The following SF3A1 variants were observed in gnomAD, a reference collection of about 807,000 sequenced individuals.
SF3A1 encodes SAP 114.
Under a neutral mutation model 89.9 loss-of-function variants are expected in SF3A1, and 13 were observed. The ratio of observed to expected loss-of-function variants is 0.14; its 90% CI spans 0.09 to 0.23. The LOEUF (loss-of-function observed/expected upper bound fraction) is 0.23. Among genes scored for constraint, SF3A1 ranks in the 10% least tolerant of loss-of-function variants. SF3A1 has a pLI of 1.00. For missense variants in SF3A1, 604 were observed against 1,022.1 expected, an observed-to-expected ratio of 0.59 and a Z score of 5.58; for synonymous variants, 405 against 374.4, an observed-to-expected ratio of 1.08 and a Z score of -0.94.
intron 3 of SF3A1, among the ~76,000 whole-genome samples, chr22:30,345,603 T>C (rs1931394926): frequency 6.6e-6 from 1 of 152,100 alleles, no homozygotes; most frequent in African/African-American, 2.4e-5. Context: ...AACGATGAGG[T>C]AGCACAGGTA....
intron 15 of SF3A1, among the ~76,000 whole-genome samples, chr22:30,335,005 C>T (rs554068830): frequency 6.6e-6 from 1 of 152,236 alleles, no homozygotes; most frequent in Non-Finnish European, 1.5e-5. Context: ...CTTAGCCCAA[C>T]AGCCTCAATG....
chr22:30,344,404 C>T (rs1189863415), intron 4 of SF3A1, among the ~76,000 whole-genome samples: 2 of 152,198 alleles, frequency 1.3e-5, no homozygotes, highest in Admixed American at 6.5e-5. Context: ...ATTTAAGGCA[C>T]TTTATAAGCT....
Position 30,337,716 on chromosome 22 carries a change from CG to C in SF3A1, c.1924del (p.Arg642AlafsTer5). 8 of 1,323,326 alleles carry C rather than the reference CG, an allele frequency of 6.0e-6. No homozygotes were observed. The highest frequency in any genetic ancestry group is 1.5e-5 in the South Asian group (1 of 65,752). The allele number at this position is 1,323,326 out of a possible 1,614,324, so 82.0% of individuals were successfully genotyped here. On this transcript the variant is annotated frameshift_variant, in exon 12 of 16. Coordinates refer to ENST00000215793, the MANE Select transcript of SF3A1 (RefSeq NM_005877.6). LOFTEE classifies it high-confidence loss of function. ...TGTTGGCACAATCATGGGGGGTGGG[CG>C]GGGGGCCATAATAGGAGGGGCCGAG... ...PPSAPPIMAPRPPPMIVPTAF... is the reference protein window; with the variant it reads ...PPSAPPIMAPXPPPMIVPTAF...
At position 30,337,892 on chromosome 22, in the gene SF3A1, T is replaced by C. The variant is rs774236565; in HGVS notation, c.1749A>G (p.Pro583=). The change falls in exon 12 of 16, where the codon CCA becomes CCG. Residue 583 remains proline, a synonymous_variant. Transcript: ENST00000215793. The part of the protein sequence containing the change: ...ITSVPRPPTM[P]PPVRTTVVSA... ...AGACAACTGTAGTACGAACTGGAGG[T>C]GGCATCTGTGCAGGAAAGAGACCCA... 1 of 1,601,380 alleles carries C rather than the reference T, an allele frequency of 6.2e-7. No individual in the cohort carries two copies. Among genetic ancestry groups the C allele is most frequent in the Non-Finnish European group, 8.5e-7 (1 of 1,175,122 alleles).
intron 9 of SF3A1, among the ~76,000 whole-genome samples, chr22:30,339,647 T>C (rs759606216): frequency 6.6e-6 from 1 of 152,084 alleles, no homozygotes; most frequent in African/African-American, 2.4e-5. Context: ...TCCCAGCTAC[T>C]TGGGAGGCTG....
intron 7 of SF3A1, among the ~76,000 whole-genome samples, chr22:30,341,135 G>A (rs1367353161): frequency 6.6e-6 from 1 of 152,168 alleles, no homozygotes; most frequent in Admixed American, 6.5e-5. Context: ...GCGGCGAGTC[G>A]CCAATCAATG....
In SF3A1 at chr22:30,337,694, T is replaced by C; in HGVS notation, c.1947A>G (p.Pro649=). The change falls in exon 12 of 16, where the codon CCA becomes CCG. Residue 649 remains proline (P), a synonymous_variant. Coordinates refer to ENST00000215793, the MANE Select transcript of SF3A1 (RefSeq NM_005877.6). ...AATGATGCAAGAGATACTGACCTGT[T>C]GGCACAATCATGGGGGGTGGGCGGG... The part of the protein sequence containing the change: ...MAPRPPPMIV[P]TAFVPAPPVA... 1.4e-6 allele frequency: 1 copy of C among 717,930 alleles called. No homozygotes were observed. Among genetic ancestry groups the C allele is most frequent in the South Asian group, 1.5e-5 (1 of 68,380 alleles). The allele number at this position is 717,930 out of a possible 1,614,324, so 44.5% of individuals were successfully genotyped here.
Position 30,346,393 on chromosome 22 carries a change from C to T in SF3A1, c.312G>A (p.Gly104=), listed in dbSNP as rs1931421048. 6.2e-7 allele frequency: 1 copy of T among 1,614,100 alleles called. No homozygotes were observed. The change falls in exon 3 of 16, where the codon GGG becomes GGA. Residue 104 remains glycine, a synonymous_variant. Coordinates refer to ENST00000215793, the MANE Select transcript of SF3A1 (RefSeq NM_005877.6). ...YRHKVSEFKE[G]KAQEPSAAIP... is the part of the protein sequence containing the mutation. ...TGGCGGCGGACGGCTCCTGAGCCTT[C>T]CCTTCCTTGAACTCGCTGACCTTGT...
intron 12 of SF3A1, 39 bp downstream of exon 12, chr22:30,337,651 T>C (rs1931112446): frequency 1.0e-6 from 1 of 987,294 alleles, no homozygotes; most frequent in Non-Finnish European, 1.5e-6. Context: ...CCGTGGTCCC[T>C]GAACTAATGG....
chr22:30,342,389 A>C, intron 5 of SF3A1, 39 bp from the exon 6 acceptor site: 2 of 1,561,386 alleles, frequency 1.3e-6, no homozygotes, highest in East Asian at 4.7e-5. Flanking sequence ...ACGCTGAAGC[A>C]GGGTCTGCTC....
chr22:30,356,609 A>G (rs1338953072), intron 1 of SF3A1, 121 bp downstream of exon 1: 12 of 721,756 alleles, frequency 1.7e-5, no homozygotes, highest in Non-Finnish European at 2.4e-5. Context: ...GGAAGCGCGC[A>G]GCCTCTTGGG....
At position 30,338,837 on chromosome 22, in the gene SF3A1, G is replaced by A. The variant is rs988552549; in HGVS notation, c.1695C>T (p.Asn565=). 6 of 1,614,098 alleles carry A rather than the reference G, an allele frequency of 3.7e-6. No homozygotes were observed. In the African/African-American group the frequency reaches 4.0e-5, roughly 11 times the overall value. ...TGATGGGTGGAGCCGAGCTGGGGAT[G>A]TTGGTGGCTGAAGATGGTGGCGGTG... ...QQPPPPSSAT[N]IPSSAPPITS... The change falls in exon 11 of 16, where the codon AAC becomes AAT. Residue 565 remains asparagine, a synonymous_variant. Transcript: ENST00000215793.
Position 30,337,180 on chromosome 22 carries a change from G to T in SF3A1, c.1952C>A (p.Ala651Asp), listed in dbSNP as rs1931094643. ...TGCCACAGGTGGAGCAGGCACAAAG[G>T]CTGCAAAGACAAGAATAAGCAGCCC... is the stretch of plus-strand genomic sequence containing the variant. Reference protein sequence around the residue: ...PRPPPMIVPTAFVPAPPVAPV... With the variant: ...PRPPPMIVPTDFVPAPPVAPV... Residue 651 changes from alanine (A) to aspartate (D), a missense_variant and splice_region_variant, in exon 13 of 16, where the codon GCC becomes GAC. This residue lies in a region of SF3A1 where 45 missense variants were observed against 41.1 expected (regional missense o/e 1.09). Coordinates refer to ENST00000215793, the MANE Select transcript of SF3A1 (RefSeq NM_005877.6). The T allele has an allele frequency of 6.2e-7, 1 of 1,607,686 alleles. No homozygotes were observed. Among genetic ancestry groups the T allele is most frequent in the Non-Finnish European group, 8.5e-7 (1 of 1,176,924 alleles).
intron 5 of SF3A1, 24 bp from the exon 6 acceptor site, chr22:30,342,374 G>A: frequency 6.3e-7 from 1 of 1,576,990 alleles, no homozygotes; most frequent in Non-Finnish European, 8.6e-7. Flanking sequence ...AAACAGCTTG[G>A]TGCTACGCTG....
intron 13 of SF3A1, 84 bp downstream of exon 13, chr22:30,336,942 A>G (rs1931084464): frequency 3.3e-6 from 5 of 1,536,632 alleles, no homozygotes; most frequent in Non-Finnish European, 4.5e-6. Context: ...TGGGAGTGAA[A>G]TAGGGTCAGT....
At position 30,336,972 on chromosome 22, in the gene SF3A1, G is replaced by C. The variant is rs62227699; in HGVS notation, c.2106+54C>G. ...GTCAGTTTCGCAAGTGTACGACAGG[G>C]GCGGGACTGAACCCTCCAGCTAGAA... On this transcript the variant is annotated intron_variant, in intron 13 of 15. Coordinates refer to ENST00000215793, the MANE Select transcript of SF3A1 (RefSeq NM_005877.6). The C allele has an allele frequency of 2.5e-6, 4 of 1,606,094 alleles. No homozygotes were observed. The East Asian group carries it at 8.9e-5, about 36-fold the overall frequency.
intron 6 of SF3A1, 97 bp downstream of exon 6, chr22:30,342,103 T>C: frequency 7.0e-7 from 1 of 1,430,198 alleles, no homozygotes; most frequent in Non-Finnish European, 9.9e-7. Context: ...TAAAGCCCTC[T>C]GAGAGATTCT....
rs1210292171 is a variant in SF3A1 at position 30,341,870 on chromosome 22, G to C, written c.893C>G (p.Pro298Arg). 3 of 1,612,792 alleles carry C rather than the reference G, an allele frequency of 1.9e-6. No individual in the cohort carries two copies. The highest frequency in any genetic ancestry group is 2.5e-6 in the Non-Finnish European group (3 of 1,179,962). Residue 298 changes from proline (P) to arginine (R), a missense_variant, in exon 7 of 16, where the codon CCC (proline) becomes CGC (arginine). By Grantham distance (103) the Pro-to-Arg change is moderately radical. Transcript: ENST00000215793. The stretch of plus-strand genomic sequence containing the variant: ...GGCCCCCAGCTCCTCTGGCGTGGTG[G>C]GGGGAGGGAAGTTCCCTAGAGGGTG... ...QPNEQGNFPP[P>R]TTPEELGARI...
intron 2 of SF3A1, 109 bp downstream of exon 2, chr22:30,352,842 C>T (rs1013079375): frequency 1.4e-6 from 2 of 1,402,826 alleles, no homozygotes; most frequent in Non-Finnish European, 9.7e-7. Context: ...TTTTTATGAA[C>T]TAAAAGGCCC....
Sources: allele counts gnomAD v4.1 joint callset (sites outside exome capture counted in the v4.1 genomes callset), GRCh38; gene constraint gnomAD v4.1.1; regional missense constraint gnomAD v4.1.1; transcripts MANE v1.5; gene names NCBI Gene and HGNC (gene_info 2026-07-23, HGNC 2026-07-21).